CDH13: variants seen among roughly 807,000 people sequenced by gnomAD.
CDH13 encodes the protein cadherin 13, also known as cadherin-13.
Under a neutral mutation model 63.8 loss-of-function variants are expected in CDH13, and 24 were observed. The ratio of observed to expected loss-of-function variants is 0.38; its 90% confidence interval spans 0.27 to 0.53. CDH13 has a LOEUF of 0.53. Among genes scored for constraint, CDH13 ranks in the 20% least tolerant of loss-of-function variants. The pLI, the probability that CDH13 is intolerant of heterozygous loss-of-function variation, is 0.85. For missense variants in CDH13, 1,049 were observed against 903.1 expected (o/e 1.16, Z -2.07); for synonymous variants, 503 against 355.3 (o/e 1.42, Z -4.67).
chr16:83,450,864 T>C (rs1175807562), intron 6 of CDH13, among the ~76,000 whole-genome samples: 1 of 152,078 alleles, frequency 6.6e-6, no homozygotes, highest in Non-Finnish European at 1.5e-5. Context: ...AGCAAGACTC[T>C]GTCTCACAGA....
chr16:82,918,778 C>A (rs2042070348), intron 2 of CDH13, among the ~76,000 whole-genome samples: 1 of 152,082 alleles, frequency 6.6e-6, no homozygotes, highest in Non-Finnish European at 1.5e-5. Context: ...CGACAAAATG[C>A]TGCTATTATG....
At chr16:82,991,042 G>A (rs1053225502) in intron 2 of CDH13, among the ~76,000 whole-genome samples, 3 of 152,168 alleles carry the variant, frequency 2.0e-5, no homozygotes, top group African/African-American at 7.2e-5. Flanking sequence ...GCATGAGGAA[G>A]CAGTAGTAGC....
At chr16:83,386,000 C>T (rs1420941853) in intron 6 of CDH13, among the ~76,000 whole-genome samples, 3 of 152,196 alleles carry the variant, frequency 2.0e-5, no homozygotes, top group East Asian at 3.9e-4. Flanking sequence ...CCAGCATCTC[C>T]ATTTGTAGCT....
chr16:83,434,156 C>G (rs527287729), intron 6 of CDH13, among the ~76,000 whole-genome samples: 2 of 152,262 alleles, frequency 1.3e-5, no homozygotes, highest in East Asian at 3.9e-4. Context: ...AGCTGAGGTA[C>G]CACCTTGCCG....
intron 5 of CDH13, among the ~76,000 whole-genome samples, chr16:83,226,009 C>T (rs1413078523): frequency 6.6e-6 from 1 of 152,172 alleles, no homozygotes; most frequent in East Asian, 1.9e-4. Flanking sequence ...TTTCTAATGC[C>T]TCCTTGGACA....
chr16:83,637,255 G>A (rs1219366440), intron 8 of CDH13, among the ~76,000 whole-genome samples: 4 of 105,076 alleles, frequency 3.8e-5, no homozygotes, highest in Admixed American at 3.8e-4. Context: ...CAGATCTCGG[G>A]AGGAGCCAAG....
chr16:82,948,068 G>T (rs1392478761), intron 2 of CDH13, among the ~76,000 whole-genome samples: 1 of 152,084 alleles, frequency 6.6e-6, no homozygotes, highest in Non-Finnish European at 1.5e-5. Flanking sequence ...ATTCTTTAAT[G>T]GACATTGAAA....
chr16:83,331,986 A>G (rs534730657), intron 5 of CDH13, among the ~76,000 whole-genome samples: 2 of 152,262 alleles, frequency 1.3e-5, no homozygotes, highest in South Asian at 2.1e-4. Context: ...GAAATTTTCA[A>G]AGCTTGTGAT....
chr16:83,780,074 C>A lies in CDH13; in HGVS notation c.1788C>A (p.Ala596=), dbSNP rs550485242. Residue 596 remains alanine (A), a synonymous_variant, in exon 12 of 14, where the codon GCC becomes GCA. Coordinates refer to ENST00000567109, the MANE Select transcript of CDH13 (RefSeq NM_001257.5). The part of the protein sequence containing the change: ...YPTVAEVCDD[A]KNLSVVILGA... ...CAGTAGCTGAAGTCTGTGATGATGC[C>A]AAAAACCTCAGTGTAGTCATTTTGG... 1.2e-6 allele frequency: 2 copies of A among 1,613,852 alleles called. No individual in the cohort carries two copies. Among genetic ancestry groups the A allele is most frequent in the African/African-American group, 2.7e-5 (2 of 75,008 alleles).
intron 2 of CDH13, among the ~76,000 whole-genome samples, chr16:82,891,598 G>C (rs1302798520): frequency 6.6e-6 from 1 of 152,182 alleles, no homozygotes; most frequent in East Asian, 1.9e-4. Context: ...TTTTGGATCA[G>C]AAAATACCAT....
intron 5 of CDH13, among the ~76,000 whole-genome samples, chr16:83,342,031 A>ACACACACT (rs1272788940): frequency 6.7e-6 from 1 of 148,532 alleles, no homozygotes; most frequent in Non-Finnish European, 1.5e-5. Flanking sequence ...ACACACACAC[A>ACACACACT]CTTTGTCAAT....
At chr16:83,398,551 A>G (rs563664948) in intron 6 of CDH13, among the ~76,000 whole-genome samples, 108 of 152,294 alleles carry the variant, frequency 7.1e-4, no homozygotes, top group Non-Finnish European at 1.3e-3. Context: ...TTATTTTCCA[A>G]ATAAGATTCA....
intron 11 of CDH13, among the ~76,000 whole-genome samples, chr16:83,749,767 A>G (rs1912925127): frequency 6.6e-6 from 1 of 152,168 alleles, no homozygotes; most frequent in South Asian, 2.1e-4. Flanking sequence ...AGTCAAGTAC[A>G]CAGAAGATCA....
intron 7 of CDH13, among the ~76,000 whole-genome samples, chr16:83,519,463 A>C (rs2074778216): frequency 6.6e-6 from 1 of 152,268 alleles, no homozygotes; most frequent in Non-Finnish European, 1.5e-5. Context: ...TGAATTTCAT[A>C]TCGCACTTCT....
chr16:83,472,363 C>G (rs935094652), intron 6 of CDH13, among the ~76,000 whole-genome samples: 25 of 152,196 alleles, frequency 1.6e-4, no homozygotes. Context: ...CCAACCCAGA[C>G]TTTCTTTAAC....
At chr16:83,296,753 C>T (rs767442346) in intron 5 of CDH13, among the ~76,000 whole-genome samples, 1 of 152,164 alleles carries the variant, frequency 6.6e-6, no homozygotes, top group African/African-American at 2.4e-5. Flanking sequence ...GAATATTTCA[C>T]AACTTGTTCA....
intron 4 of CDH13, among the ~76,000 whole-genome samples, chr16:83,182,440 C>A (rs771808972): frequency 3.9e-5 from 6 of 152,138 alleles, no homozygotes; most frequent in African/African-American, 1.4e-4. Context: ...TCTTTTGAAC[C>A]CCTCTGGGAC....
intron 3 of CDH13, among the ~76,000 whole-genome samples, chr16:83,050,340 T>A (rs2030168582): frequency 6.6e-6 from 1 of 152,146 alleles, no homozygotes; most frequent in African/African-American, 2.4e-5. Context: ...ATATGATAAT[T>A]CTATATTCAA....
intron 1 of CDH13, among the ~76,000 whole-genome samples, chr16:82,821,165 C>G (rs1210137114): frequency 1.3e-5 from 2 of 152,178 alleles, no homozygotes; most frequent in Non-Finnish European, 2.9e-5. Context: ...AATGCATTCA[C>G]AGTTCTCATC....
Sources: gnomAD v4.1 joint callset for allele counts (sites outside exome capture counted in the v4.1 genomes callset) on GRCh38, gnomAD v4.1.1 for gene constraint, MANE v1.5 for transcripts, NCBI Gene and HGNC (gene_info 2026-07-23, HGNC 2026-07-21) for gene names.